ABL1: variants seen among roughly 807,000 people sequenced by gnomAD.
ABL1 encodes ABL proto-oncogene 1, non-receptor tyrosine kinase, also known as tyrosine-protein kinase ABL1.
In ABL1, 11 loss-of-function variants were observed where a neutral mutation model predicts 94.7. The ratio of observed to expected loss-of-function variants is 0.12; its 90% CI spans 0.07 to 0.19. The LOEUF is 0.19. Among genes scored for constraint, ABL1 ranks in the 10% least tolerant of loss-of-function variants. The probability of loss-of-function intolerance (pLI) is 1.00; values close to 1 mark genes in which losing one functional copy is unlikely to be tolerated. For missense variants in ABL1, 1,082 were observed against 1,489.4 expected, an observed-to-expected ratio of 0.73 and a Z score of 4.50; for synonymous variants, 656 against 622.4, an observed-to-expected ratio of 1.05 and a Z score of -0.80.
At chr9:130,832,022 CA>C (rs1210900821), upstream of ABL1, among the ~76,000 whole-genome samples, 1 of 152,206 alleles carries the variant, frequency 6.6e-6, no homozygotes, top group Non-Finnish European at 1.5e-5. Flanking sequence ...GCATTTTAAG[CA>C]AGCCCCACAT....
intron 1 of ABL1, among the ~76,000 whole-genome samples, chr9:130,744,193 G>A (rs1831855196): frequency 6.6e-6 from 1 of 151,510 alleles, no homozygotes; most frequent in South Asian, 2.1e-4. Flanking sequence ...CTAGGCTGGG[G>A]TGCAGTGGCC....
intron 1 of ABL1, among the ~76,000 whole-genome samples, chr9:130,722,542 T>A (rs1831529526): frequency 6.6e-6 from 1 of 152,024 alleles, no homozygotes; most frequent in African/African-American, 2.4e-5. Context: ...CAGGCTGGAG[T>A]GTAGTGGCAC....
chr9:130,827,086 A>T (rs1186997253), intron 1 of ABL1, among the ~76,000 whole-genome samples: 1 of 152,198 alleles, frequency 6.6e-6, no homozygotes, highest in African/African-American at 2.4e-5. Flanking sequence ...TCAGAAAAAA[A>T]AAAGAAAAGA....
chr9:130,737,731 G>A (rs142127865), intron 1 of ABL1, among the ~76,000 whole-genome samples: 129 of 152,094 alleles, frequency 8.5e-4, no homozygotes, highest in African/African-American at 3.0e-3. Context: ...GTCATGTTGA[G>A]GCATCTGCTC....
intron 1 of ABL1, among the ~76,000 whole-genome samples, chr9:130,794,133 C>G (rs1829944478): frequency 6.6e-6 from 1 of 152,048 alleles, no homozygotes; most frequent in Non-Finnish European, 1.5e-5. Flanking sequence ...AGAACCACCC[C>G]TCAGTGGCCC....
At chr9:130,732,464 T>G (rs1831679069) in intron 1 of ABL1, among the ~76,000 whole-genome samples, 1 of 152,154 alleles carries the variant, frequency 6.6e-6, no homozygotes, top group African/African-American at 2.4e-5. Context: ...CTATAATAGC[T>G]TGCTTTTCAT....
chr9:130,772,359 G>T (rs1832262956), intron 1 of ABL1, among the ~76,000 whole-genome samples: 1 of 152,186 alleles, frequency 6.6e-6, no homozygotes, highest in Admixed American at 6.5e-5. Context: ...ATGAGTACAA[G>T]GCATTGAGCT....
chr9:130,720,565 G>A (rs1011546717), intron 1 of ABL1, among the ~76,000 whole-genome samples: 3 of 152,252 alleles, frequency 2.0e-5, no homozygotes, highest in Non-Finnish European at 1.5e-5. Context: ...GAAGGAGAGG[G>A]TGGCCTTATT....
chr9:130,807,149 TA>T (rs34176980), intron 1 of ABL1, among the ~76,000 whole-genome samples: 3 of 149,734 alleles, frequency 2.0e-5, no homozygotes, highest in Admixed American at 6.7e-5. Flanking sequence ...GACTCCATCT[TA>T]AAAAAAAAAG....
At chr9:130,714,091 T>C in exon 1 of ABL1, 1 of 408,340 alleles carries the variant, frequency 2.4e-6, no homozygotes, top group Non-Finnish European at 4.3e-6. Flanking sequence ...TGCAATTACA[T>C]GAAATTGATA....
intron 1 of ABL1, among the ~76,000 whole-genome samples, chr9:130,716,072 CTTTTTTTTTTTTTT>C (rs71389339): frequency 7.7e-5 from 7 of 91,218 alleles, no homozygotes; most frequent in Admixed American, 1.4e-4. Context: ...GAAAAATGTC[CTTTTTTTTTTTTTT>C]TTTTTTTTTT....
At chr9:130,718,553 G>A (rs1258136165) in intron 1 of ABL1, among the ~76,000 whole-genome samples, 1 of 152,068 alleles carries the variant, frequency 6.6e-6, no homozygotes, top group Non-Finnish European at 1.5e-5. Context: ...GGGGCCTTCG[G>A]TTATTTTTCA....
chr9:130,723,482 C>G (rs1831540793), intron 1 of ABL1, among the ~76,000 whole-genome samples: 1 of 152,126 alleles, frequency 6.6e-6, no homozygotes, highest in Non-Finnish European at 1.5e-5. Flanking sequence ...GAGTTCGAGG[C>G]TGAAGCAAAC....
rs1831585042 is a variant in ABL1 at position 130,886,389 on chromosome 9, C to A, written c.*706C>A. On this transcript the variant is annotated 3_prime_UTR_variant, in exon 11 of 11. Coordinates refer to ENST00000318560, the MANE Select transcript of ABL1 (RefSeq NM_005157.6). The stretch of plus-strand genomic sequence containing the variant: ...AGCTGAAAAGGATCGAGGCATGGGG[C>A]ATGTCCTTTCCATCTGTCCACATCC... The A allele has an allele frequency of 4.3e-6, 1 of 233,874 alleles. No individual in the cohort carries two copies. Among genetic ancestry groups the A allele is most frequent in the East Asian group, 6.0e-5 (1 of 16,588 alleles). The allele number at this position is 233,874 out of a possible 1,614,324, so 14.5% of individuals were successfully genotyped here.
intron 1 of ABL1, among the ~76,000 whole-genome samples, chr9:130,766,461 T>C (rs900806148): frequency 5.9e-5 from 9 of 152,186 alleles, no homozygotes; most frequent in Non-Finnish European, 1.0e-4. Flanking sequence ...ATGTGTCTCA[T>C]TGGGATACAA....
At position 130,745,149 on chromosome 9, in the gene ABL1, A is replaced by C. The variant is rs1588219783; in HGVS notation, c.136+30694A>C. The stretch of plus-strand genomic sequence containing the variant: ...GCCCAGGCTGGAGGGCAATGGTGTG[A>C]TCTCGGCTTACTGCAACCTCCACCT... On this transcript the variant is annotated intron_variant, in intron 1 of 10. Coordinates refer to the ABL1 transcript ENST00000372348. 2.2e-5 allele frequency among the ~76,000 whole-genome samples: 3 copies of C among 139,074 alleles called. No individual in the cohort carries two copies. The South Asian group carries it at 7.1e-4, about 33-fold the overall frequency. 91.2% of individuals were successfully genotyped at this position (139,074 alleles called of 152,430 possible).
rs1475250269 is a variant in ABL1, at chr9:130,886,083, CCTT to C, written c.*405_*407del. The stretch of plus-strand genomic sequence containing the variant: ...AGCCCCTCCTCCCCCGGCTGGGCCT[CCTT>C]CTTCCACTTCTCCAAGAATGGAAGC... On this transcript the variant is annotated 3_prime_UTR_variant, in exon 11 of 11. Coordinates refer to ENST00000318560, the MANE Select transcript of ABL1 (RefSeq NM_005157.6). The C allele has an allele frequency of 1.2e-4, 32 of 262,750 alleles. No homozygotes were observed. In the East Asian group the frequency reaches 1.6e-3, roughly 13 times the overall value. 16.3% of individuals were successfully genotyped at this position (262,750 alleles called of 1,614,324 possible). A position where few individuals can be genotyped will look rare whatever the true frequency, so the allele number is the denominator to read the frequency against.
intron 1 of ABL1, among the ~76,000 whole-genome samples, chr9:130,808,451 C>T (rs953540005): frequency 2.6e-5 from 4 of 151,706 alleles, no homozygotes; most frequent in African/African-American, 9.7e-5. Context: ...ACCGTGTTGG[C>T]CAGGCTGGTC....
chr9:130,813,715 GAAGT>G (rs1368971317), intron 1 of ABL1, among the ~76,000 whole-genome samples: 2 of 152,092 alleles, frequency 1.3e-5, no homozygotes, highest in Admixed American at 6.6e-5. Flanking sequence ...AATCAACAGC[GAAGT>G]AAGTAAGTAT....
Sources: allele counts gnomAD v4.1 joint callset (sites outside exome capture counted in the v4.1 genomes callset), GRCh38; gene constraint gnomAD v4.1.1; transcripts MANE v1.5; gene names NCBI Gene and HGNC (gene_info 2026-07-23, HGNC 2026-07-21).